The following MYOZ2 variants were observed in gnomAD, a reference collection of about 807,000 sequenced individuals.
The protein encoded by MYOZ2 is myozenin-2.
Under a neutral mutation model 25.4 loss-of-function variants are expected in MYOZ2, and 19 were observed. The ratio of observed to expected loss-of-function variants is 0.75; its 90% confidence interval spans 0.52 to 1.10. The LOEUF is 1.10. Ranked by LOEUF, MYOZ2 falls within the 50% of genes least tolerant of loss-of-function variation. MYOZ2 has a pLI of 0.00. For synonymous variants in MYOZ2, 92 were observed against 106.9 expected (o/e 0.86, Z 0.86); for missense variants, 270 against 317.9 (o/e 0.85, Z 1.15).
At chr4:119,157,926 AT>A in intron 3 of MYOZ2, 95 bp from the exon 4 acceptor site, 1 of 1,459,654 alleles carries the variant, frequency 6.9e-7, no homozygotes, top group Non-Finnish European at 9.6e-7. Flanking sequence ...TTGCATTTAA[AT>A]TATAAATATA....
At chr4:119,144,996 T>G (rs1741253539) in intron 2 of MYOZ2, among the ~76,000 whole-genome samples, 1 of 152,188 alleles carries the variant, frequency 6.6e-6, no homozygotes, top group African/African-American at 2.4e-5. Context: ...GATTTTGGTG[T>G]TGTTTAGCAA....
At chr4:119,163,522 G>A (rs1159143376) in intron 4 of MYOZ2, among the ~76,000 whole-genome samples, 2 of 152,206 alleles carry the variant, frequency 1.3e-5, no homozygotes, top group Non-Finnish European at 2.9e-5. Context: ...CTTTTAAACA[G>A]TATTTACAGA....
chr4:119,145,183 C>T (rs1242321553), intron 2 of MYOZ2, among the ~76,000 whole-genome samples: 1 of 152,090 alleles, frequency 6.6e-6, no homozygotes, highest in Admixed American at 6.5e-5. Context: ...GTGAAACAGC[C>T]TTGCCTCCCT....
At chr4:119,139,850 A>G (rs2149218537) in intron 2 of MYOZ2, among the ~76,000 whole-genome samples, 1 of 152,220 alleles carries the variant, frequency 6.6e-6, no homozygotes, top group East Asian at 1.9e-4. Flanking sequence ...GGGTTCCAGG[A>G]GGGCTTTTTT....
chr4:119,141,241 T>G (rs1040121780), intron 2 of MYOZ2, among the ~76,000 whole-genome samples: 4 of 152,222 alleles, frequency 2.6e-5, no homozygotes, highest in African/African-American at 9.6e-5. Flanking sequence ...TAGAACAGTT[T>G]CAAAAGGTCT....
rs1741021967 is a variant in MYOZ2 at position 119,136,420 on chromosome 4, G to A, written c.-14-92G>A. The A allele has an allele frequency of 3.5e-6, 4 of 1,130,824 alleles. No individual in the cohort carries two copies. In the Admixed American group the frequency reaches 5.8e-5, roughly 16 times the overall value. 70.0% of individuals were successfully genotyped at this position (1,130,824 alleles called of 1,614,324 possible). A position where few individuals can be genotyped will look rare whatever the true frequency, so the allele number is the denominator to read the frequency against. ...CAAGCGATAATAACTTTTTAATAAA[G>A]AACAAAGATGTTGTCTTTCAAAACA... is the stretch of plus-strand genomic sequence containing the variant. On this transcript the variant is annotated intron_variant, in intron 1 of 5. Transcript: ENST00000307128.
chr4:119,177,061 CA>C (rs34048630), intron 5 of MYOZ2, among the ~76,000 whole-genome samples: 52,031 of 151,626 alleles, frequency 0.34, 10,283 homozygotes, highest in East Asian at 0.52. Context: ...GACTCTGTCT[CA>C]AAAAAAACAA....
chr4:119,138,838 A>T lies in MYOZ2; in HGVS notation c.76+2237A>T, dbSNP rs559289604. On this transcript the variant is annotated intron_variant, in intron 2 of 5. Coordinates refer to ENST00000307128, the MANE Select transcript of MYOZ2 (RefSeq NM_016599.5). ...CTAAATCACTTGTTGTCCTCTTAAC[A>T]TGAGGTGGAAATTCAATCCCATTCT... 2.0e-5 allele frequency among the ~76,000 whole-genome samples: 3 copies of T among 152,292 alleles called. No individual in the cohort carries two copies. In the South Asian group the frequency reaches 6.2e-4, roughly 32 times the overall value.
intron 2 of MYOZ2, among the ~76,000 whole-genome samples, chr4:119,140,280 A>G (rs1489847083): frequency 5.3e-5 from 8 of 152,154 alleles, no homozygotes; most frequent in Admixed American, 5.2e-4. Flanking sequence ...TTACATGAAG[A>G]CCGCTTTTAC....
chr4:119,148,468 C>T (rs1328863380), intron 2 of MYOZ2, among the ~76,000 whole-genome samples: 1 of 152,056 alleles, frequency 6.6e-6, no homozygotes, highest in African/African-American at 2.4e-5. Flanking sequence ...CCTTCTGGAA[C>T]TTCAATGACA....
At chr4:119,183,073 T>C (rs895971293) in intron 5 of MYOZ2, among the ~76,000 whole-genome samples, 3 of 152,144 alleles carry the variant, frequency 2.0e-5, no homozygotes, top group Non-Finnish European at 4.4e-5. Context: ...TTCCAGGTTT[T>C]AAATAATCAC....
At chr4:119,138,242 G>C (rs780237684) in intron 2 of MYOZ2, among the ~76,000 whole-genome samples, 5 of 152,120 alleles carry the variant, frequency 3.3e-5, no homozygotes, top group African/African-American at 4.8e-5. Flanking sequence ...ATGAGTACCA[G>C]CTCCCTTAAG....
chr4:119,184,893 A>G (rs2149230487), intron 5 of MYOZ2, among the ~76,000 whole-genome samples: 1 of 152,340 alleles, frequency 6.6e-6, no homozygotes, highest in East Asian at 1.9e-4. Context: ...CATTCTTAAA[A>G]GGAGAAGCTC....
Position 119,186,859 on chromosome 4 carries a change from G to A in MYOZ2, c.*659G>A, listed in dbSNP as rs1479186564. ...TCAAGGAGACTGAGAATGACTCAAG[G>A]GACGTCATAGTACCATAGTTTTAAG... On this transcript the variant is annotated 3_prime_UTR_variant, in exon 6 of 6. Coordinates refer to ENST00000307128, the MANE Select transcript of MYOZ2 (RefSeq NM_016599.5). The A allele has an allele frequency of 1.3e-5, 2 of 152,330 alleles. No homozygotes were observed. Among genetic ancestry groups the A allele is most frequent in the South Asian group, 2.1e-4 (1 of 4,826 alleles). 9.4% of individuals were successfully genotyped at this position (152,330 alleles called of 1,614,324 possible).
At chr4:119,152,074 G>T (rs1000984223) in intron 3 of MYOZ2, among the ~76,000 whole-genome samples, 1 of 152,056 alleles carries the variant, frequency 6.6e-6, no homozygotes, top group Non-Finnish European at 1.5e-5. Context: ...AACAGAAAAT[G>T]TTGAGAGGAC....
At chr4:119,176,894 C>T (rs1466022634) in intron 5 of MYOZ2, among the ~76,000 whole-genome samples, 1 of 152,146 alleles carries the variant, frequency 6.6e-6, no homozygotes, top group African/African-American at 2.4e-5. Flanking sequence ...GACGCCAATT[C>T]AGTAAGTTTA....
Position 119,175,527 on chromosome 4 carries a change from G to C in MYOZ2, c.561-10439G>C, listed in dbSNP as rs193208844. Among the ~76,000 whole-genome samples, 357 of 152,208 alleles carry C rather than the reference G, an allele frequency of 2.3e-3. 2 individuals carry two copies. Among genetic ancestry groups the C allele is most frequent in the African/African-American group, 8.2e-3 (342 of 41,538 alleles). ...TATAATCCCAGCACTTTGGGAGGCT[G>C]GGGCGGGTGGGGTTAGGAGTTCGAG... On this transcript the variant is annotated intron_variant, in intron 5 of 5. Transcript: ENST00000307128.
At chr4:119,148,134 C>T (rs1014484778) in intron 2 of MYOZ2, among the ~76,000 whole-genome samples, 16 of 152,132 alleles carry the variant, frequency 1.1e-4, no homozygotes, top group African/African-American at 3.6e-4. Context: ...TCTGGGTTGA[C>T]AATTCTTTTC....
At chr4:119,172,006 C>T (rs1056998946) in intron 5 of MYOZ2, among the ~76,000 whole-genome samples, 7 of 152,074 alleles carry the variant, frequency 4.6e-5, no homozygotes, top group Non-Finnish European at 8.8e-5. Context: ...AAGATATAGT[C>T]AAATGGCATT....
Sources: allele counts gnomAD v4.1 joint callset (sites outside exome capture counted in the v4.1 genomes callset), GRCh38; gene constraint gnomAD v4.1.1; transcripts MANE v1.5; gene names NCBI Gene and HGNC (gene_info 2026-07-23, HGNC 2026-07-21).